EPS8L3: variants seen among roughly 807,000 people sequenced by gnomAD.
The protein encoded by EPS8L3 is epidermal growth factor receptor kinase substrate 8-like protein 3.
A neutral mutation model predicts 88.5 loss-of-function variants in EPS8L3; 80 were observed. The ratio of observed to expected loss-of-function variants is 0.90; its 90% confidence interval spans 0.75 to 1.09. The LOEUF (loss-of-function observed/expected upper bound fraction) is 1.09. EPS8L3 is among the 50% of genes least tolerant of loss of function. EPS8L3 has a pLI of 0.00. For synonymous variants in EPS8L3, 286 were observed against 291.0 expected (o/e 0.98, Z 0.18); for missense variants, 721 against 735.2 (o/e 0.98, Z 0.22).
At chr1:109,755,310 T>C (rs965848473) in intron 12 of EPS8L3, among the ~76,000 whole-genome samples, 2 of 152,248 alleles carry the variant, frequency 1.3e-5, no homozygotes, top group Non-Finnish European at 2.9e-5. Flanking sequence ...CTTGAAATAC[T>C]GTAGATAATG....
intron 3 of EPS8L3, chr1:109,761,242 G>C: frequency 2.1e-6 from 1 of 465,194 alleles, no homozygotes; most frequent in Non-Finnish European, 3.9e-6. Context: ...TTCCTGTCTG[G>C]GGACAGGACA....
Position 109,761,149 on chromosome 1 carries a change from C to T in EPS8L3, c.96+346G>A, listed in dbSNP as rs577401991. 1.6e-4 allele frequency: 41 copies of T among 249,782 alleles called. 1 individual carries two copies. The highest frequency in any genetic ancestry group is 1.5e-3 in the Admixed American group (33 of 21,750). 15.5% of individuals were successfully genotyped at this position (249,782 alleles called of 1,614,324 possible). A position where few individuals can be genotyped will look rare whatever the true frequency, so the allele number is the denominator to read the frequency against. The stretch of plus-strand genomic sequence containing the variant: ...GCAATGGAGCAGTGCCCTGGGGACT[C>T]GGGCAGCAGGGGGTTGGGAGACAGG... On this transcript the variant is annotated intron_variant, in intron 3 of 18. Transcript: ENST00000361965.
At chr1:109,756,814 G>A (rs1375846601) in intron 12 of EPS8L3, among the ~76,000 whole-genome samples, 1 of 152,208 alleles carries the variant, frequency 6.6e-6, no homozygotes, top group Non-Finnish European at 1.5e-5. Flanking sequence ...AGTAGTGGGT[G>A]ATGGCAAGTG....
intron 3 of EPS8L3, 84 bp downstream of exon 3, chr1:109,761,411 G>A: frequency 8.2e-7 from 1 of 1,216,876 alleles, no homozygotes; most frequent in Non-Finnish European, 1.2e-6. Context: ...CTTGTGTGAA[G>A]TGTCCATGTT....
In EPS8L3 at chr1:109,758,112, C is replaced by T. The variant is rs72991171; in HGVS notation, c.718-54G>A. 7.2e-3 allele frequency: 10,743 copies of T among 1,501,566 alleles called. 429 individuals are homozygous for T. The African/African-American group carries it at 0.1, about 14-fold the overall frequency. The allele number at this position is 1,501,566 out of a possible 1,614,324, so 93.0% of individuals were successfully genotyped here. A position where few individuals can be genotyped will look rare whatever the true frequency, so the allele number is the denominator to read the frequency against. ...ACGGGCAGTTGGGCCCACCCTGGAACTCCCCACACTGCCCCCCGCACCCCT... is the reference window on the plus strand; with the variant it reads ...ACGGGCAGTTGGGCCCACCCTGGAATTCCCCACACTGCCCCCCGCACCCCT... On this transcript the variant is annotated intron_variant, in intron 8 of 18. Coordinates refer to ENST00000361965, the MANE Select transcript of EPS8L3 (RefSeq NM_133181.4).
chr1:109,761,785 A>G lies in EPS8L3; in HGVS notation c.-24-12T>C, dbSNP rs1181931857. On this transcript the variant is annotated splice_polypyrimidine_tract_variant and intron_variant, in intron 1 of 18. Transcript: ENST00000361965. ...CTGAGGACGGCTCCCTAGAACCCAA[A>G]GTGAACCAGAGGCAGCCATCAGAGC... The G allele has an allele frequency of 6.2e-7, 1 of 1,613,192 alleles. No individual in the cohort carries two copies. The highest frequency in any genetic ancestry group is 8.5e-7 in the Non-Finnish European group (1 of 1,179,400).
Position 109,759,875 on chromosome 1 carries a change from T to C in EPS8L3, c.97-39A>G. The C allele has an allele frequency of 6.2e-6, 10 of 1,605,654 alleles. No individual in the cohort carries two copies. Among genetic ancestry groups the C allele is most frequent in the Non-Finnish European group, 8.5e-6 (10 of 1,175,932 alleles). On this transcript the variant is annotated intron_variant, in intron 3 of 18. Transcript: ENST00000361965. The surrounding 1 kb of genome is among the most constrained non-coding windows in gnomAD (Gnocchi z 4.2). ...GGGAGTCCTAGGACTGGGAGAAAGCTCAGAGAGGTGGACCACAGGCGTGCT... is the reference window on the plus strand; with the variant it reads ...GGGAGTCCTAGGACTGGGAGAAAGCCCAGAGAGGTGGACCACAGGCGTGCT...
chr1:109,759,393 C>T lies in EPS8L3; in HGVS notation c.256-6G>A. 6.2e-7 allele frequency: 1 copy of T among 1,612,750 alleles called. No individual in the cohort carries two copies. The highest frequency in any genetic ancestry group is 8.5e-7 in the Non-Finnish European group (1 of 1,179,316). On this transcript the variant is annotated splice_region_variant and splice_polypyrimidine_tract_variant and intron_variant, in intron 4 of 18. Transcript: ENST00000361965. The surrounding 1 kb of genome is among the most constrained non-coding windows in gnomAD (Gnocchi z 4.2). ...CGGTAAGAGTCCAGCTCCTCCTGGGCCAGGTGGAGAGGTCAACTGTGAGGC... is the reference window on the plus strand; with the variant it reads ...CGGTAAGAGTCCAGCTCCTCCTGGGTCAGGTGGAGAGGTCAACTGTGAGGC...
Position 109,758,668 on chromosome 1 carries a change from T to C in EPS8L3, c.462-5A>G, listed in dbSNP as rs1650563655. 1 of 1,570,534 alleles carries C rather than the reference T, an allele frequency of 6.4e-7. No homozygotes were observed. Among genetic ancestry groups the C allele is most frequent in the African/African-American group, 1.4e-5 (1 of 73,226 alleles). ...TGAAGGCCTCCAAGTCGAGGTCTGC[T>C]GAGGACATGGTAGGGGCCACATCTT... On this transcript the variant is annotated splice_region_variant and splice_polypyrimidine_tract_variant and intron_variant, in intron 6 of 18. Transcript: ENST00000361965.
At chr1:109,757,416 C>G in intron 11 of EPS8L3, 65 bp downstream of exon 11, 1 of 1,485,704 alleles carries the variant, frequency 6.7e-7, no homozygotes. Flanking sequence ...CAGCTCCTTT[C>G]CTCTCTCTAC....
At chr1:109,755,579 C>T (rs1406053328) in intron 12 of EPS8L3, among the ~76,000 whole-genome samples, 4 of 152,142 alleles carry the variant, frequency 2.6e-5, no homozygotes, top group East Asian at 1.9e-4. Flanking sequence ...CCGAGGTGGG[C>T]GGATCCCTTG....
chr1:109,758,992 T>C lies in EPS8L3; in HGVS notation c.461+70A>G, dbSNP rs1483320246. The C allele has an allele frequency of 2.7e-6, 4 of 1,479,422 alleles. No homozygotes were observed. The African/African-American group carries it at 4.2e-5, about 15-fold the overall frequency. The allele number at this position is 1,479,422 out of a possible 1,614,324, so 91.6% of individuals were successfully genotyped here. On this transcript the variant is annotated intron_variant, in intron 6 of 18. Transcript: ENST00000361965. ...ACAACCTCCTGGGTGCCCCAAGATA[T>C]GGGGTCAGGGTCTGGCCCCCGAGGC...
rs1650631819 is a variant in EPS8L3, at chr1:109,759,153, G to C, written c.406-36C>G. The C allele has an allele frequency of 8.5e-7, 1 of 1,172,946 alleles. No homozygotes were observed. 72.7% of individuals were successfully genotyped at this position (1,172,946 alleles called of 1,614,324 possible). ...GCAGTCAGGCAGGCTAAGTGTGTGT[G>C]TGTGTGTGTGTGTGTGTGTGTGTGT... is the stretch of plus-strand genomic sequence containing the variant. On this transcript the variant is annotated intron_variant, in intron 5 of 18. Transcript: ENST00000361965. The surrounding 1 kb of genome is among the most constrained non-coding windows in gnomAD (Gnocchi z 4.2).
At chr1:109,762,783 T>G (rs1651118341) in intron 1 of EPS8L3, among the ~76,000 whole-genome samples, 1 of 152,182 alleles carries the variant, frequency 6.6e-6, no homozygotes, top group African/African-American at 2.4e-5. Context: ...AGGTCACAAA[T>G]GAACGTTTAA....
In EPS8L3 at chr1:109,759,291, C is replaced by A; in HGVS notation, c.352G>T (p.Glu118Ter). The change falls in exon 5 of 19, where the codon GAG becomes TAG. Residue 118 changes from glutamate to a stop codon, truncating the protein, a stop_gained. Transcript: ENST00000361965. LOFTEE classifies it high-confidence loss of function. The surrounding 1 kb of genome is among the most constrained non-coding windows in gnomAD (Gnocchi z 4.2). Reference protein sequence around the residue: ...YNSILSITVQEPGLPGTSTLL... With the variant: ...YNSILSITVQ ...GTGCTAGTGCCTGGCAGGCCCGGCT[C>A]CTGCACGGTGATGGACAGGATGGAG... 1 of 1,614,134 alleles carries A rather than the reference C, an allele frequency of 6.2e-7. No individual in the cohort carries two copies. Among genetic ancestry groups the A allele is most frequent in the Non-Finnish European group, 8.5e-7 (1 of 1,180,014 alleles).
chr1:109,750,816 A>T, intron 17 of EPS8L3, 24 bp from the exon 18 acceptor site: 1 of 1,613,778 alleles, frequency 6.2e-7, no homozygotes, highest in Non-Finnish European at 8.5e-7. Context: ...AGCAAAAGCC[A>T]TCCGTGGTGG....
chr1:109,752,406 T>C, intron 14 of EPS8L3: 1 of 604,880 alleles, frequency 1.7e-6, no homozygotes, highest in Non-Finnish European at 2.9e-6. Context: ...TTTCCGGGAG[T>C]GGAATTTTCT....
At chr1:109,760,713 G>A (rs898118711) in intron 3 of EPS8L3, among the ~76,000 whole-genome samples, 1 of 150,450 alleles carries the variant, frequency 6.6e-6, no homozygotes, top group Non-Finnish European at 1.5e-5. Flanking sequence ...GCTGCCCTGT[G>A]GGACCTGCTG....
Position 109,757,117 on chromosome 1 carries a change from G to T in EPS8L3, c.1018C>A (p.Pro340Thr). 1.2e-6 allele frequency: 2 copies of T among 1,614,050 alleles called. No individual in the cohort carries two copies. The highest frequency in any genetic ancestry group is 8.5e-7 in the Non-Finnish European group (1 of 1,179,934). Residue 340 changes from proline to threonine, a missense_variant, in exon 12 of 19, where the codon CCC becomes ACC. Pro to Thr is a conservative substitution (Grantham distance 38). Coordinates refer to ENST00000361965, the MANE Select transcript of EPS8L3 (RefSeq NM_133181.4). ...EAGLAAQVIS[P>T]LLTPKAINLL... is the part of the protein sequence containing the mutation. ...TTGATAGCTTTAGGGGTGAGGAGGG[G>T]TGAGATCACTTGGGCTGCTAGGCCA...
Sources: gnomAD v4.1 joint callset for allele counts (sites outside exome capture counted in the v4.1 genomes callset) on GRCh38, gnomAD v4.1.1 for gene constraint, Gnocchi (gnomAD v3.1) non-coding constraint, MANE v1.5 for transcripts, NCBI Gene and HGNC (gene_info 2026-07-23, HGNC 2026-07-21) for gene names.